The following PIBF1 variants were observed in gnomAD, a reference collection of about 807,000 sequenced individuals.
PIBF1 encodes progesterone immunomodulatory binding factor 1.
PIBF1 carries 90 observed loss-of-function variants against 112.5 expected under a neutral mutation model. The ratio of observed to expected loss-of-function variants is 0.80; its 90% confidence interval spans 0.67 to 0.95. The LOEUF is 0.95. PIBF1 is among the 40% of genes least tolerant of loss of function. The pLI is 0.00. For synonymous variants in PIBF1, 301 were observed against 288.6 expected, an observed-to-expected ratio of 1.04 and a Z score of -0.44; for missense variants, 915 against 852.3, an observed-to-expected ratio of 1.07 and a Z score of -0.92.
chr13:72,895,846 A>G (rs576982574), intron 11 of PIBF1, among the ~76,000 whole-genome samples: 1 of 152,106 alleles, frequency 6.6e-6, no homozygotes, highest in East Asian at 1.9e-4. Context: ...GACACCCCAA[A>G]TACTCTGGGA....
At chr13:72,791,157 C>G (rs187723415) in intron 2 of PIBF1, among the ~76,000 whole-genome samples, 1 of 152,056 alleles carries the variant, frequency 6.6e-6, no homozygotes, top group African/African-American at 2.4e-5. Context: ...CGGGTTCACG[C>G]GATTCTCCTG....
chr13:72,981,270 TA>T (rs1164572628), intron 16 of PIBF1, among the ~76,000 whole-genome samples: 6 of 149,020 alleles, frequency 4.0e-5, no homozygotes, highest in African/African-American at 1.5e-4. Flanking sequence ...TAAAATAAAA[TA>T]AAATAAATAA....
At chr13:72,791,090 T>A (rs1472692700) in intron 2 of PIBF1, among the ~76,000 whole-genome samples, 1 of 152,162 alleles carries the variant, frequency 6.6e-6, no homozygotes, top group Non-Finnish European at 1.5e-5. Context: ...AGTCTCACTC[T>A]GTCGCCCAGG....
intron 9 of PIBF1, among the ~76,000 whole-genome samples, chr13:72,842,591 G>A (rs1328896295): frequency 6.6e-6 from 1 of 152,108 alleles, no homozygotes; most frequent in East Asian, 1.9e-4. Context: ...ATTTACAAAG[G>A]TTAGTTGAGT....
chr13:72,911,126 G>A (rs756354175), intron 12 of PIBF1, among the ~76,000 whole-genome samples: 4 of 151,910 alleles, frequency 2.6e-5, no homozygotes, highest in African/African-American at 4.8e-5. Context: ...TGTAGGGTGC[G>A]ATGATCATGC....
At chr13:72,934,742 T>C (rs866923191) in intron 14 of PIBF1, among the ~76,000 whole-genome samples, 1 of 152,182 alleles carries the variant, frequency 6.6e-6, no homozygotes, top group African/African-American at 2.4e-5. Context: ...TGAAGTATAA[T>C]TGATATACAG....
intron 11 of PIBF1, among the ~76,000 whole-genome samples, chr13:72,895,358 G>A (rs1480542230): frequency 6.7e-6 from 1 of 149,562 alleles, no homozygotes; most frequent in African/African-American, 2.4e-5. Flanking sequence ...AGGCAAAATA[G>A]AAACTGAAAA....
intron 16 of PIBF1, among the ~76,000 whole-genome samples, chr13:72,980,987 G>C (rs1480357211): frequency 1.3e-5 from 2 of 152,012 alleles, no homozygotes; most frequent in Non-Finnish European, 2.9e-5. Context: ...GCTCACGCTT[G>C]TAATTCCAAC....
intron 8 of PIBF1, among the ~76,000 whole-genome samples, chr13:72,831,176 G>A (rs561237759): frequency 2.0e-5 from 3 of 151,678 alleles, no homozygotes; most frequent in African/African-American, 7.3e-5. Flanking sequence ...AGTCTGGCTA[G>A]CAGTCTATCT....
intron 13 of PIBF1, among the ~76,000 whole-genome samples, chr13:72,929,788 G>A (rs543787359): frequency 2.0e-5 from 3 of 152,076 alleles, no homozygotes; most frequent in Admixed American, 6.6e-5. Context: ...ATAAACTTTT[G>A]CCAGAACTCA....
chr13:72,991,767 G>A (rs566212698), intron 16 of PIBF1, among the ~76,000 whole-genome samples: 1 of 151,410 alleles, frequency 6.6e-6, no homozygotes, highest in South Asian at 2.1e-4. Flanking sequence ...CGCCCAGGCT[G>A]GAGTGCAGTG....
intron 3 of PIBF1, among the ~76,000 whole-genome samples, chr13:72,794,198 T>C (rs1335161099): frequency 1.3e-5 from 2 of 152,162 alleles, no homozygotes; most frequent in Non-Finnish European, 2.9e-5. Flanking sequence ...GGAAAAGAAC[T>C]AAGAATTGAT....
intron 2 of PIBF1, 128 bp from the exon 3 acceptor site, chr13:72,792,319 C>A: frequency 1.6e-6 from 1 of 614,258 alleles, no homozygotes; most frequent in Non-Finnish European, 2.8e-6. Flanking sequence ...AGGCGTGAGC[C>A]CCTGTGCCTG....
At chr13:73,010,733 C>G (rs1031387901) in intron 17 of PIBF1, among the ~76,000 whole-genome samples, 2 of 148,532 alleles carry the variant, frequency 1.3e-5, no homozygotes, top group Non-Finnish European at 3.0e-5. Flanking sequence ...AAGAATCATG[C>G]AATTCCCTAG....
intron 10 of PIBF1, among the ~76,000 whole-genome samples, chr13:72,867,009 TAA>T (rs1410791572): frequency 2.6e-5 from 4 of 152,192 alleles, no homozygotes; most frequent in Non-Finnish European, 4.4e-5. Context: ...AACCAATATA[TAA>T]GTCTGTGCTT....
At chr13:72,929,285 C>A (rs1202885583) in intron 13 of PIBF1, among the ~76,000 whole-genome samples, 1 of 152,050 alleles carries the variant, frequency 6.6e-6, no homozygotes, top group East Asian at 1.9e-4. Flanking sequence ...ATTTTAAATG[C>A]AAAATTCACA....
intron 13 of PIBF1, among the ~76,000 whole-genome samples, chr13:72,930,123 G>C (rs2041655077): frequency 6.6e-6 from 1 of 152,116 alleles, no homozygotes; most frequent in South Asian, 2.1e-4. Context: ...GCCTCCCAGA[G>C]TGCTGGGGTT....
chr13:72,864,191 A>G, intron 10 of PIBF1, among the ~76,000 whole-genome samples: 1 of 152,212 alleles, frequency 6.6e-6, no homozygotes, highest in East Asian at 1.9e-4. Flanking sequence ...TGACTCATAA[A>G]TTAGCTTAAA....
At chr13:72,855,628 G>A (rs944441860) in intron 10 of PIBF1, among the ~76,000 whole-genome samples, 21 of 152,018 alleles carry the variant, frequency 1.4e-4, no homozygotes, top group African/African-American at 4.8e-4. Context: ...CAGCCTGGGC[G>A]ACAGAGTGAG....
Sources: gnomAD v4.1 joint callset for allele counts (sites outside exome capture counted in the v4.1 genomes callset) on GRCh38, gnomAD v4.1.1 for gene constraint, MANE v1.5 for transcripts, NCBI Gene and HGNC (gene_info 2026-07-23, HGNC 2026-07-21) for gene names.